CDH18: variants seen among roughly 807,000 people sequenced by gnomAD.
The protein encoded by CDH18 is cadherin-18.
A neutral mutation model predicts 67.9 loss-of-function variants in CDH18; 31 were observed. That is an observed-to-expected ratio of 0.46 (90% CI 0.34 to 0.62). The LOEUF (loss-of-function observed/expected upper bound fraction) is 0.62, where lower values mean the gene tolerates loss of function less well. Ranked by LOEUF, CDH18 falls within the 20% of genes least tolerant of loss-of-function variation. The pLI is 0.01. For missense variants in CDH18, 890 were observed against 975.5 expected (o/e 0.91, Z 1.17); for synonymous variants, 362 against 347.2 (o/e 1.04, Z -0.48).
intron 2 of CDH18, among the ~76,000 whole-genome samples, chr5:19,971,401 T>C (rs1798001832): frequency 6.6e-6 from 1 of 152,040 alleles, no homozygotes; most frequent in South Asian, 2.1e-4. Flanking sequence ...CACAGAAAAG[T>C]TTTGTTAGAA....
chr5:20,038,874 T>C (rs1414957143), intron 2 of CDH18, among the ~76,000 whole-genome samples: 1 of 152,056 alleles, frequency 6.6e-6, no homozygotes, highest in East Asian at 1.9e-4. Flanking sequence ...AAATAACAAG[T>C]ATTGAAATAG....
chr5:19,829,049 A>G (rs547380344), intron 3 of CDH18, among the ~76,000 whole-genome samples: 1 of 152,184 alleles, frequency 6.6e-6, no homozygotes, highest in South Asian at 2.1e-4. Flanking sequence ...AAAATAAATT[A>G]ATTAATTAAT....
At chr5:20,440,301 C>A (rs1749514679) in intron 1 of CDH18, among the ~76,000 whole-genome samples, 1 of 151,760 alleles carries the variant, frequency 6.6e-6, no homozygotes, top group African/African-American at 2.4e-5. Flanking sequence ...AATAAAGAGT[C>A]TATTAGGAGC....
At chr5:20,376,189 GTTCACGCCATT>G (rs1488660826) in intron 1 of CDH18, among the ~76,000 whole-genome samples, 3 of 144,418 alleles carry the variant, frequency 2.1e-5, no homozygotes, top group Admixed American at 7.3e-5. Flanking sequence ...CGCCTCCCGG[GTTCACGCCATT>G]TTCCTGCCTC....
chr5:20,246,267 C>T (rs1743370304), intron 2 of CDH18, among the ~76,000 whole-genome samples: 1 of 152,134 alleles, frequency 6.6e-6, no homozygotes, highest in Non-Finnish European at 1.5e-5. Flanking sequence ...CTCAGTTGCA[C>T]AAACTTTATT....
chr5:19,928,074 G>A (rs140986027), intron 2 of CDH18, among the ~76,000 whole-genome samples: 24 of 152,200 alleles, frequency 1.6e-4, no homozygotes, highest in Admixed American at 2.6e-4. Context: ...CCAGGGCTCC[G>A]TCCTGATTCA....
At chr5:20,007,151 T>C (rs1207034546) in intron 2 of CDH18, among the ~76,000 whole-genome samples, 1 of 151,860 alleles carries the variant, frequency 6.6e-6, no homozygotes, top group Non-Finnish European at 1.5e-5. Flanking sequence ...ATAGATTATA[T>C]ATAAGTAAAG....
chr5:19,997,531 A>G (rs1412651186), intron 2 of CDH18, among the ~76,000 whole-genome samples: 1 of 152,086 alleles, frequency 6.6e-6, no homozygotes, highest in African/African-American at 2.4e-5. Context: ...TTCCAGTATC[A>G]CTTTGTTTTC....
chr5:19,796,072 C>T (rs1465649758), intron 3 of CDH18, among the ~76,000 whole-genome samples: 2 of 151,968 alleles, frequency 1.3e-5, no homozygotes, highest in East Asian at 3.9e-4. Flanking sequence ...CTCAGGGACA[C>T]AAGGGACAAT....
intron 6 of CDH18, among the ~76,000 whole-genome samples, chr5:19,601,735 C>G (rs532002233): frequency 2.1e-3 from 323 of 151,870 alleles, no homozygotes; most frequent in Non-Finnish European, 3.0e-3. Context: ...AGCATAATAT[C>G]AAAGGAATGT....
At chr5:20,055,253 G>A (rs1741804554) in intron 2 of CDH18, among the ~76,000 whole-genome samples, 1 of 152,110 alleles carries the variant, frequency 6.6e-6, no homozygotes, top group Non-Finnish European at 1.5e-5. Context: ...TCAGTTCAAG[G>A]CTATTGACAG....
chr5:20,573,807 A>AT (rs1758943045), intron 1 of CDH18, among the ~76,000 whole-genome samples: 1 of 440 alleles, frequency 2.3e-3, no homozygotes, highest in East Asian at 0.02. Flanking sequence ...CTTAAAAGAA[A>AT]TATATATATA....
At chr5:20,328,154 G>T (rs1315997705) in intron 1 of CDH18, among the ~76,000 whole-genome samples, 1 of 152,094 alleles carries the variant, frequency 6.6e-6, no homozygotes, top group Non-Finnish European at 1.5e-5. Context: ...CTTAGGTTTT[G>T]ACTCTGTATG....
chr5:20,032,259 T>TAG (rs1739470099), intron 2 of CDH18, among the ~76,000 whole-genome samples: 2 of 150,872 alleles, frequency 1.3e-5, no homozygotes, highest in South Asian at 2.1e-4. Context: ...AATATATATA[T>TAG]AAAACAAAGT....
intron 1 of CDH18, among the ~76,000 whole-genome samples, chr5:20,571,505 T>C (rs1758816979): frequency 6.6e-6 from 1 of 152,138 alleles, no homozygotes; most frequent in Admixed American, 6.6e-5. Context: ...AAGAACAGCA[T>C]TATATTATAT....
intron 5 of CDH18, among the ~76,000 whole-genome samples, chr5:19,663,170 A>T (rs558499310): frequency 1.4e-4 from 22 of 152,130 alleles, no homozygotes; most frequent in Admixed American, 1.4e-3. Context: ...CACATTGCTA[A>T]TGGACATTTG....
intron 2 of CDH18, among the ~76,000 whole-genome samples, chr5:20,159,146 T>C (rs2126604084): frequency 6.6e-6 from 1 of 152,298 alleles, no homozygotes; most frequent in Middle Eastern, 3.4e-3. Flanking sequence ...TAAGAAGTGT[T>C]TTCTAATCTT....
chr5:20,493,757 G>C (rs888370451), intron 1 of CDH18, among the ~76,000 whole-genome samples: 1 of 152,052 alleles, frequency 6.6e-6, no homozygotes, highest in African/African-American at 2.4e-5. Context: ...TCATTGTTTT[G>C]GGTAAATTGC....
At chr5:20,091,671 CATT>C (rs76203721) in intron 2 of CDH18, among the ~76,000 whole-genome samples, 12,457 of 152,064 alleles carry the variant, frequency 0.082, 710 homozygotes, top group Non-Finnish European at 0.12. Flanking sequence ...TTGAATTTTG[CATT>C]ATTATTCTTC....
Sources: allele counts gnomAD v4.1 joint callset (sites outside exome capture counted in the v4.1 genomes callset), GRCh38; gene constraint gnomAD v4.1.1; transcripts MANE v1.5; gene names NCBI Gene and HGNC (gene_info 2026-07-23, HGNC 2026-07-21).